Variants in DSCAM observed in about 807,000 individuals in gnomAD.
DSCAM encodes DS cell adhesion molecule.
DSCAM carries 47 observed loss-of-function variants against 217.7 expected under a neutral mutation model. The ratio of observed to expected loss-of-function variants is 0.22; its 90% CI spans 0.17 to 0.28. The LOEUF (loss-of-function observed/expected upper bound fraction) is 0.28. Among genes scored for constraint, DSCAM ranks in the 10% least tolerant of loss-of-function variants. DSCAM has a pLI of 1.00. For synonymous variants in DSCAM, 1,056 were observed against 1,015.3 expected, an observed-to-expected ratio of 1.04 and a Z score of -0.76; for missense variants, 2,080 against 2,618.3, an observed-to-expected ratio of 0.79 and a Z score of 4.49.
At chr21:40,161,575 A>G (rs1288526255) in intron 16 of DSCAM, among the ~76,000 whole-genome samples, 7 of 152,234 alleles carry the variant, frequency 4.6e-5, no homozygotes, top group Non-Finnish European at 1.0e-4. Flanking sequence ...CCTAGAGTCT[A>G]GTCCACCTAA....
At chr21:40,780,415 GTGTGTGTGTATA>G (rs2091530063) in intron 1 of DSCAM, among the ~76,000 whole-genome samples, 1 of 44,188 alleles carries the variant, frequency 2.3e-5, no homozygotes, top group African/African-American at 1.9e-4. Context: ...GTGTGTGTGT[GTGTGTGTGTATA>G]TATATATATA....
At chr21:40,643,476 G>A (rs140126157) in intron 3 of DSCAM, among the ~76,000 whole-genome samples, 2 of 152,176 alleles carry the variant, frequency 1.3e-5, no homozygotes, top group African/African-American at 2.4e-5. Flanking sequence ...GCTCTCAGGG[G>A]AGAAACTACC....
At chr21:40,833,413 G>A (rs990035133) in intron 1 of DSCAM, among the ~76,000 whole-genome samples, 17 of 152,308 alleles carry the variant, frequency 1.1e-4, no homozygotes, top group Non-Finnish European at 1.5e-4. Flanking sequence ...TCCGCCAGCC[G>A]CAGAAAAGGG....
At chr21:40,381,028 A>AGT (rs1601600806) in intron 3 of DSCAM, among the ~76,000 whole-genome samples, 1 of 137,384 alleles carries the variant, frequency 7.3e-6, no homozygotes, top group East Asian at 2.3e-4. Flanking sequence ...GTGCCACTGC[A>AGT]CTCCAGCCTG....
At chr21:40,544,957 T>A (rs1212206596) in intron 3 of DSCAM, among the ~76,000 whole-genome samples, 1 of 151,914 alleles carries the variant, frequency 6.6e-6, no homozygotes, top group Non-Finnish European at 1.5e-5. Flanking sequence ...AATTCAAAAT[T>A]TAGGAACCTA....
At chr21:40,808,036 C>T (rs935386314) in intron 1 of DSCAM, among the ~76,000 whole-genome samples, 12 of 152,108 alleles carry the variant, frequency 7.9e-5, no homozygotes, top group African/African-American at 2.9e-4. Flanking sequence ...GAATTCAGAG[C>T]TGAGTCCTTC....
In DSCAM at chr21:40,234,308, T is replaced by G. The variant is rs1170019465; in HGVS notation, c.2356+41789A>C. ...CTGGTACAGAACAGTTCTGCAACTTTGGACAAGTAGTTTAACATCTCTGAG... is the reference window on the plus strand; with the variant it reads ...CTGGTACAGAACAGTTCTGCAACTTGGGACAAGTAGTTTAACATCTCTGAG... On this transcript the variant is annotated intron_variant, in intron 11 of 32. Coordinates refer to ENST00000400454, the MANE Select transcript of DSCAM (RefSeq NM_001389.5). Among the ~76,000 whole-genome samples the G allele has an allele frequency of 1.8e-4, 27 of 152,220 alleles. 1 individual carries two copies. Among genetic ancestry groups the G allele is most frequent in the Admixed American group, 1.7e-3 (26 of 15,276 alleles).
chr21:40,130,568 T>C (rs2090144681), intron 19 of DSCAM, among the ~76,000 whole-genome samples: 1 of 152,150 alleles, frequency 6.6e-6, no homozygotes, highest in Admixed American at 6.5e-5. Context: ...AGAGATGATA[T>C]CCATGGCCCT....
chr21:40,312,069 T>C lies in DSCAM; in HGVS notation c.2062+12A>G, dbSNP rs1334523708. The C allele has an allele frequency of 3.1e-6, 5 of 1,610,260 alleles. No homozygotes were observed. Among genetic ancestry groups the C allele is most frequent in the Non-Finnish European group, 3.4e-6 (4 of 1,177,300 alleles). Reference sequence around the variant, plus strand: ...TCTACAGATGCCACATGGCTCATGATCCTTTGCTCACCTCTGACAATCAAC... The same window carrying C: ...TCTACAGATGCCACATGGCTCATGACCCTTTGCTCACCTCTGACAATCAAC... On this transcript the variant is annotated intron_variant, in intron 9 of 32. Transcript: ENST00000400454.
chr21:40,592,435 G>C (rs1393033110), intron 3 of DSCAM, among the ~76,000 whole-genome samples: 1 of 152,034 alleles, frequency 6.6e-6, no homozygotes. Flanking sequence ...TTGGACAATG[G>C]CTTCCTGCTC....
At chr21:40,314,356 A>G (rs375154186) in intron 8 of DSCAM, among the ~76,000 whole-genome samples, 4 of 152,210 alleles carry the variant, frequency 2.6e-5, no homozygotes, top group Admixed American at 2.6e-4. Context: ...AGCATACTCA[A>G]TGTCAATCCT....
chr21:40,399,466 C>G (rs2075213932), intron 3 of DSCAM, among the ~76,000 whole-genome samples: 1 of 152,158 alleles, frequency 6.6e-6, no homozygotes, highest in African/African-American at 2.4e-5. Context: ...ACTGGAGAGC[C>G]TGGATTGTCA....
chr21:40,580,338 G>T (rs558620133), intron 3 of DSCAM, among the ~76,000 whole-genome samples: 21 of 152,112 alleles, frequency 1.4e-4, no homozygotes, highest in African/African-American at 4.6e-4. Context: ...TTGAAGACCA[G>T]CCTGGCCAAC....
Position 40,154,550 on chromosome 21 carries a change from C to T in DSCAM, c.3019-9819G>A, listed in dbSNP as rs114689500. Among the ~76,000 whole-genome samples, 1,226 of 152,216 alleles carry T rather than the reference C, an allele frequency of 8.1e-3. 13 individuals carry two copies. Among genetic ancestry groups the T allele is most frequent in the African/African-American group, 0.027 (1,138 of 41,524 alleles). On this transcript the variant is annotated intron_variant, in intron 16 of 32. Transcript: ENST00000400454. The stretch of plus-strand genomic sequence containing the variant: ...ATTACCAGCAGTGAACCACTGCTTC[C>T]GGTCTCAAATGATATTTTTGTTCAT...
intron 11 of DSCAM, among the ~76,000 whole-genome samples, chr21:40,212,747 G>A (rs950362067): frequency 2.6e-5 from 4 of 152,122 alleles, no homozygotes; most frequent in Non-Finnish European, 5.9e-5. Flanking sequence ...CTCAGAATAT[G>A]ACCTTACTTG....
intron 3 of DSCAM, among the ~76,000 whole-genome samples, chr21:40,608,417 T>C (rs7278303): frequency 0.13 from 20,005 of 152,260 alleles, 1,402 homozygotes; most frequent in Admixed American, 0.17. Context: ...TGCCATTGTA[T>C]ACCAGGTAAC....
intron 1 of DSCAM, among the ~76,000 whole-genome samples, chr21:40,757,117 G>A (rs998146517): frequency 1.3e-5 from 2 of 151,824 alleles, no homozygotes; most frequent in African/African-American, 2.4e-5. Flanking sequence ...CTCCACCTCC[G>A]GGGTTCACAC....
At chr21:40,444,233 G>T (rs1569126302) in intron 3 of DSCAM, among the ~76,000 whole-genome samples, 1 of 152,100 alleles carries the variant, frequency 6.6e-6, no homozygotes, top group South Asian at 2.1e-4. Flanking sequence ...TTCCCTGAGG[G>T]TATGAGGTGT....
chr21:40,220,172 G>A (rs2091278167), intron 11 of DSCAM, among the ~76,000 whole-genome samples: 1 of 152,184 alleles, frequency 6.6e-6, no homozygotes, highest in African/African-American at 2.4e-5. Flanking sequence ...GTGGCCTGGG[G>A]TCCTGGAAGC....
Sources: gnomAD v4.1 joint callset for allele counts (sites outside exome capture counted in the v4.1 genomes callset) on GRCh38, gnomAD v4.1.1 for gene constraint, MANE v1.5 for transcripts, NCBI Gene and HGNC (gene_info 2026-07-23, HGNC 2026-07-21) for gene names.